The following PARP8 variants were observed in gnomAD, a reference collection of about 807,000 sequenced individuals.
The protein encoded by PARP8 is poly(ADP-ribose) polymerase family member 8.
PARP8 carries 51 observed loss-of-function variants against 124.1 expected under a neutral mutation model. The ratio of observed to expected loss-of-function variants is 0.41; its 90% CI spans 0.33 to 0.52. The LOEUF (loss-of-function observed/expected upper bound fraction) is 0.52. Ranked by LOEUF, PARP8 falls within the 20% of genes least tolerant of loss-of-function variation. The probability of loss-of-function intolerance (pLI) is 0.21; values close to 1 mark genes in which losing one functional copy is unlikely to be tolerated. For synonymous variants in PARP8, 391 were observed against 361.5 expected, an observed-to-expected ratio of 1.08 and a Z score of -0.93; for missense variants, 860 against 1,018.9, an observed-to-expected ratio of 0.84 and a Z score of 2.12.
intron 2 of PARP8, among the ~76,000 whole-genome samples, chr5:50,676,645 G>A (rs1338078628): frequency 6.6e-6 from 1 of 152,128 alleles, no homozygotes; most frequent in Non-Finnish European, 1.5e-5. Context: ...AGTCTATGTT[G>A]GAGTGTACTT....
At chr5:50,745,337 C>T (rs1758432059) in intron 2 of PARP8, among the ~76,000 whole-genome samples, 1 of 152,128 alleles carries the variant, frequency 6.6e-6, no homozygotes. Flanking sequence ...AATTTCACTC[C>T]TATAAATTTT....
chr5:50,828,995 C>T (rs1182080030), intron 21 of PARP8, among the ~76,000 whole-genome samples: 2 of 152,080 alleles, frequency 1.3e-5, no homozygotes, highest in African/African-American at 4.8e-5. Context: ...TTATCATGCA[C>T]AAAGTAAAAT....
rs79351675 is a variant in PARP8, at chr5:50,840,083, A to G, written c.2463-1883A>G. Among the ~76,000 whole-genome samples, 395 of 152,072 alleles carry G rather than the reference A, an allele frequency of 2.6e-3. 10 individuals are homozygous for G. The East Asian group carries it at 0.034, about 13-fold the overall frequency. On this transcript the variant is annotated intron_variant, in intron 25 of 25. Transcript: ENST00000281631. ...AGAGACAGAGATCAGTTATAATGTT[A>G]TAACAACATTCTAGGTCAGTTTTTC...
intron 10 of PARP8, among the ~76,000 whole-genome samples, chr5:50,791,636 A>G (rs1741966728): frequency 6.6e-6 from 1 of 152,198 alleles, no homozygotes; most frequent in Non-Finnish European, 1.5e-5. Context: ...TGTATAGGGT[A>G]TCCTATCATT....
chr5:50,780,794 G>A (rs1318098660), intron 9 of PARP8, among the ~76,000 whole-genome samples: 1 of 152,120 alleles, frequency 6.6e-6, no homozygotes, highest in East Asian at 1.9e-4. Flanking sequence ...AATTAGCAAG[G>A]TCATGATAGT....
intron 2 of PARP8, among the ~76,000 whole-genome samples, chr5:50,730,798 A>G (rs1756902537): frequency 6.6e-6 from 1 of 152,198 alleles, no homozygotes; most frequent in Admixed American, 6.6e-5. Context: ...TTTGAATAAG[A>G]TTAAGTTGTT....
intron 22 of PARP8, among the ~76,000 whole-genome samples, chr5:50,831,392 A>G (rs932512238): frequency 1.3e-5 from 2 of 152,102 alleles, no homozygotes; most frequent in African/African-American, 4.8e-5. Flanking sequence ...GGCAGGCCTG[A>G]GACAGCCTGA....
chr5:50,737,346 C>G (rs1386640575), intron 2 of PARP8, among the ~76,000 whole-genome samples: 1 of 152,126 alleles, frequency 6.6e-6, no homozygotes, highest in African/African-American at 2.4e-5. Context: ...CAATGACATT[C>G]TGGTAATAAA....
In PARP8 at chr5:50,750,191, A is replaced by G. The variant is rs542555226; in HGVS notation, c.184+3A>G. 6.3e-7 allele frequency: 1 copy of G among 1,586,550 alleles called. No individual in the cohort carries two copies. The highest frequency in any genetic ancestry group is 1.7e-5 in the Admixed American group (1 of 59,544). Reference sequence around the variant, plus strand: ...ACATGTATCTGAAGATTACCCAGGTATGCTTTTCTTGTTTTATTACAGATA... The same window carrying G: ...ACATGTATCTGAAGATTACCCAGGTGTGCTTTTCTTGTTTTATTACAGATA... On this transcript the variant is annotated splice_donor_region_variant and intron_variant, in intron 3 of 25. Coordinates refer to ENST00000281631, the MANE Select transcript of PARP8 (RefSeq NM_024615.4).
intron 2 of PARP8, among the ~76,000 whole-genome samples, chr5:50,681,433 A>G (rs901855844): frequency 2.6e-5 from 4 of 150,958 alleles, no homozygotes; most frequent in African/African-American, 9.7e-5. Context: ...TCTAAGCATT[A>G]TTTTTTTTTA....
At chr5:50,731,363 G>A (rs1392295565) in intron 2 of PARP8, among the ~76,000 whole-genome samples, 1 of 152,160 alleles carries the variant, frequency 6.6e-6, no homozygotes, top group African/African-American at 2.4e-5. Context: ...AAAAGAATGA[G>A]TGTGTTGGTC....
At chr5:50,742,658 G>A (rs1381727608) in intron 2 of PARP8, among the ~76,000 whole-genome samples, 2 of 152,126 alleles carry the variant, frequency 1.3e-5, no homozygotes, top group African/African-American at 2.4e-5. Context: ...AAAGTAAGGG[G>A]GTTTATGAAG....
rs1181476537 is a variant in PARP8 at position 50,826,771 on chromosome 5, A to G, written c.1945A>G (p.Arg649Gly). The change falls in exon 19 of 26, where the codon AGA becomes GGA. Residue 649 changes from arginine (R) to glycine (G), a missense_variant. By Grantham distance (125) the Arg-to-Gly change is moderately radical. This residue lies in a region of PARP8 where 343 missense variants were observed against 474.7 expected (regional missense o/e 0.72). Coordinates refer to ENST00000281631, the MANE Select transcript of PARP8 (RefSeq NM_024615.4). The part of the protein sequence containing the change: ...PLLQWVISSN[R>G]SHIVKLPVNR... The stretch of plus-strand genomic sequence containing the variant: ...TAATTTCAGGGTTATATCAAGTAAT[A>G]GATCACATATTGTGAAACTGCCAGT... 6.3e-7 allele frequency: 1 copy of G among 1,589,492 alleles called. No individual in the cohort carries two copies. The highest frequency in any genetic ancestry group is 1.2e-5 in the South Asian group (1 of 84,718).
At chr5:50,813,188 T>C (rs1486135887) in intron 14 of PARP8, among the ~76,000 whole-genome samples, 5 of 152,332 alleles carry the variant, frequency 3.3e-5, no homozygotes, top group Middle Eastern at 3.4e-3. Flanking sequence ...TTGGGCAGTA[T>C]GGCTATTTTC....
intron 2 of PARP8, among the ~76,000 whole-genome samples, chr5:50,740,983 T>C (rs112356559): frequency 8.5e-4 from 129 of 152,308 alleles, no homozygotes; most frequent in African/African-American, 3.1e-3. Context: ...AAAGCCTTAA[T>C]TGAGCTATAG....
At chr5:50,806,998 G>T (rs1362988599) in intron 14 of PARP8, among the ~76,000 whole-genome samples, 1 of 151,712 alleles carries the variant, frequency 6.6e-6, no homozygotes, top group East Asian at 1.9e-4. Flanking sequence ...TAAAACTCAG[G>T]TTTCTATAGA....
At chr5:50,751,842 A>G (rs1217252703) in intron 3 of PARP8, among the ~76,000 whole-genome samples, 1 of 152,100 alleles carries the variant, frequency 6.6e-6, no homozygotes, top group African/African-American at 2.4e-5. Flanking sequence ...AGTGAAATTA[A>G]TATGATAATG....
At chr5:50,829,856 C>T in intron 21 of PARP8, 36 bp from the exon 22 acceptor site, 3 of 1,556,310 alleles carry the variant, frequency 1.9e-6, no homozygotes, top group Non-Finnish European at 2.6e-6. Context: ...AAACCATGAA[C>T]AGACCTCTCT....
chr5:50,675,604 C>A (rs968019826), intron 2 of PARP8, among the ~76,000 whole-genome samples: 1 of 152,200 alleles, frequency 6.6e-6, no homozygotes, highest in Non-Finnish European at 1.5e-5. Flanking sequence ...CCAGCCATGG[C>A]GCCCGGCCTG....
Sources: gnomAD v4.1 joint callset for allele counts (sites outside exome capture counted in the v4.1 genomes callset) on GRCh38, gnomAD v4.1.1 for gene constraint, gnomAD v4.1.1 regional missense constraint, MANE v1.5 for transcripts, NCBI Gene and HGNC (gene_info 2026-07-23, HGNC 2026-07-21) for gene names.